MROH9: variants seen among roughly 807,000 people sequenced by gnomAD.
The protein encoded by MROH9 is maestro heat-like repeat-containing protein family member 9.
MROH9 carries 92 observed loss-of-function variants against 98.2 expected under a neutral mutation model. The ratio of observed to expected loss-of-function variants is 0.94; its 90% CI spans 0.79 to 1.11. The LOEUF (loss-of-function observed/expected upper bound fraction) is 1.11. Ranked by LOEUF, MROH9 falls within the 50% of genes most tolerant of loss-of-function variation. The pLI, the probability that MROH9 is intolerant of heterozygous loss-of-function variation, is 0.00. For missense variants in MROH9, 1,057 were observed against 1,014.8 expected (o/e 1.04, Z -0.57); for synonymous variants, 397 against 368.9 (o/e 1.08, Z -0.87).
intron 17 of MROH9, among the ~76,000 whole-genome samples, chr1:171,019,297 G>C (rs1472464162): frequency 6.6e-6 from 1 of 152,176 alleles, no homozygotes; most frequent in Non-Finnish European, 1.5e-5. Flanking sequence ...ACCAGAATCT[G>C]TGGGACACAG....
chr1:170,997,767 A>G (rs1185185936), intron 14 of MROH9, among the ~76,000 whole-genome samples: 3 of 152,120 alleles, frequency 2.0e-5, no homozygotes, highest in Non-Finnish European at 4.4e-5. Flanking sequence ...TCGGCGTTAC[A>G]TCATTCAAAG....
At chr1:171,055,032 T>TAAAAAAAAAAAAAAAAA (rs375031261) in intron 20 of MROH9, among the ~76,000 whole-genome samples, 1 of 122,558 alleles carries the variant, frequency 8.2e-6, no homozygotes. Context: ...GAAGTCATTA[T>TAAAAAAAAAAAAAAAAA]AAAAAAAAAA....
intron 12 of MROH9, among the ~76,000 whole-genome samples, chr1:170,994,521 A>C (rs1380003586): frequency 6.6e-6 from 1 of 152,136 alleles, no homozygotes; most frequent in East Asian, 1.9e-4. Flanking sequence ...GGCACATGAG[A>C]TGTTTCAATA....
intron 20 of MROH9, among the ~76,000 whole-genome samples, chr1:171,035,659 A>C (rs1653077995): frequency 6.6e-6 from 1 of 152,196 alleles, no homozygotes; most frequent in Non-Finnish European, 1.5e-5. Flanking sequence ...ATTACCAATA[A>C]ACATATAAAA....
chr1:170,984,696 T>C (rs1201842096), intron 9 of MROH9, among the ~76,000 whole-genome samples: 3 of 152,178 alleles, frequency 2.0e-5, no homozygotes, highest in Admixed American at 6.5e-5. Flanking sequence ...CTGAGTTTAA[T>C]GTCCATCAGG....
rs77727325 is a variant in MROH9 at position 170,953,128 on chromosome 1, A to G, written c.73-5333A>G. Among the ~76,000 whole-genome samples, 888 of 152,230 alleles carry G rather than the reference A, an allele frequency of 5.8e-3. 39 individuals are homozygous for G. In the East Asian group the frequency reaches 0.1, roughly 18 times the overall value. ...TAAGTTATGAATACTTCCTTAAACT[A>G]TTGTCTTATCATTAGAAACATGTTT... On this transcript the variant is annotated intron_variant, in intron 3 of 21. Coordinates refer to ENST00000367759, the MANE Select transcript of MROH9 (RefSeq NM_001163629.2).
chr1:171,043,580 C>T (rs1653374101), intron 20 of MROH9, among the ~76,000 whole-genome samples: 2 of 151,542 alleles, frequency 1.3e-5, no homozygotes, highest in African/African-American at 4.8e-5. Context: ...GTAGTATGGA[C>T]ATTTTAACAA....
chr1:171,045,086 C>T lies in MROH9; in HGVS notation c.2282-17046C>T, dbSNP rs1239572809. 2.1e-5 allele frequency among the ~76,000 whole-genome samples: 3 copies of T among 144,498 alleles called. No homozygotes were observed. In the Admixed American group the frequency reaches 2.1e-4, roughly 10 times the overall value. 94.8% of individuals were successfully genotyped at this position (144,498 alleles called of 152,430 possible). A position where few individuals can be genotyped will look rare whatever the true frequency, so the allele number is the denominator to read the frequency against. The stretch of plus-strand genomic sequence containing the variant: ...GTGCTATCTGGGCTCACTGCAAGCT[C>T]CACCTCCTGGATTCACGCCATTCTC... On this transcript the variant is annotated intron_variant, in intron 20 of 21. Coordinates refer to ENST00000367759, the MANE Select transcript of MROH9 (RefSeq NM_001163629.2).
chr1:170,964,983 T>G (rs893740510), intron 6 of MROH9, among the ~76,000 whole-genome samples, 168 bp from the exon 7 acceptor site: 2 of 152,118 alleles, frequency 1.3e-5, no homozygotes, highest in South Asian at 2.1e-4. Flanking sequence ...GTAGATGAAG[T>G]AGTATACTAG....
intron 2 of MROH9, among the ~76,000 whole-genome samples, chr1:170,946,060 A>C (rs1649320636): frequency 6.6e-6 from 1 of 152,056 alleles, no homozygotes; most frequent in South Asian, 2.1e-4. Context: ...AATGAAATCA[A>C]GTATTGAAAG....
intron 1 of MROH9, among the ~76,000 whole-genome samples, chr1:170,942,239 T>G (rs1295837153): frequency 1.3e-5 from 2 of 152,034 alleles, no homozygotes; most frequent in Admixed American, 6.6e-5. Flanking sequence ...CTTCTGCAAT[T>G]TGAGTCTAGT....
At chr1:171,055,466 C>G (rs1653804963) in intron 20 of MROH9, among the ~76,000 whole-genome samples, 1 of 151,624 alleles carries the variant, frequency 6.6e-6, no homozygotes, top group Non-Finnish European at 1.5e-5. Context: ...ACTAAAAATA[C>G]TAAAAAATTA....
At chr1:171,018,586 G>T (rs184637220) in intron 17 of MROH9, among the ~76,000 whole-genome samples, 1 of 152,318 alleles carries the variant, frequency 6.6e-6, no homozygotes, top group Admixed American at 6.5e-5. Flanking sequence ...GGCTTCAGAA[G>T]GTGGGTAATA....
intron 3 of MROH9, among the ~76,000 whole-genome samples, chr1:170,951,249 A>G (rs566758174): frequency 1.3e-5 from 2 of 152,228 alleles, no homozygotes; most frequent in South Asian, 4.1e-4. Context: ...TGGCATTCCA[A>G]TTACAGAAAC....
intron 20 of MROH9, among the ~76,000 whole-genome samples, chr1:171,044,656 T>A (rs1407352681): frequency 6.6e-6 from 1 of 152,172 alleles, no homozygotes; most frequent in African/African-American, 2.4e-5. Context: ...TATTGGTCTT[T>A]TCAGATTTTG....
intron 12 of MROH9, among the ~76,000 whole-genome samples, chr1:170,994,203 G>A (rs182830059): frequency 6.6e-6 from 1 of 152,254 alleles, no homozygotes; most frequent in East Asian, 1.9e-4. Context: ...CATATGTGGT[G>A]GTGATCCATT....
At chr1:170,942,458 T>C (rs1649161340) in intron 1 of MROH9, among the ~76,000 whole-genome samples, 1 of 151,998 alleles carries the variant, frequency 6.6e-6, no homozygotes, top group Admixed American at 6.6e-5. Context: ...TTTAGATTTG[T>C]CCTAAAATTT....
At chr1:171,036,202 C>A (rs1454533867) in intron 20 of MROH9, among the ~76,000 whole-genome samples, 2 of 151,956 alleles carry the variant, frequency 1.3e-5, no homozygotes, top group Admixed American at 6.6e-5. Flanking sequence ...CTCAGGGTAG[C>A]GTTTACACTT....
At chr1:170,988,022 C>A (rs1442185330) in intron 10 of MROH9, among the ~76,000 whole-genome samples, 1 of 152,212 alleles carries the variant, frequency 6.6e-6, no homozygotes, top group Non-Finnish European at 1.5e-5. Flanking sequence ...ACCACAGGAA[C>A]AATGGCAGAC....
Sources: gnomAD v4.1 joint callset for allele counts (sites outside exome capture counted in the v4.1 genomes callset) on GRCh38, gnomAD v4.1.1 for gene constraint, MANE v1.5 for transcripts, NCBI Gene and HGNC (gene_info 2026-07-23, HGNC 2026-07-21) for gene names.